Variants in TMEM267 observed in about 807,000 individuals in gnomAD.
TMEM267 encodes the protein transmembrane protein 267, also known as transmembrane protein C5orf28.
Under a neutral mutation model 19.3 loss-of-function variants are expected in TMEM267, and 20 were observed. That is an observed-to-expected ratio of 1.04 (90% CI 0.73 to 1.51). The LOEUF is 1.51. Ranked by LOEUF, TMEM267 falls within the 40% of genes most tolerant of loss-of-function variation. The pLI, the probability that TMEM267 is intolerant of heterozygous loss-of-function variation, is 0.00. For synonymous variants in TMEM267, 88 were observed against 90.3 expected (o/e 0.97, Z 0.15); for missense variants, 242 against 261.9 (o/e 0.92, Z 0.52).
upstream of TMEM267, chr5:43,484,377 C>CG (rs1744999064): frequency 1.3e-5 from 2 of 152,280 alleles, no homozygotes; most frequent in African/African-American, 4.8e-5. Flanking sequence ...ACTGAGGGAC[C>CG]GGGCGACCTG....
At position 43,446,267 on chromosome 5, in the gene TMEM267, G is replaced by A. The variant is rs757376013; in HGVS notation, c.603C>T (p.Thr201=). 5 of 1,613,658 alleles carry A rather than the reference G, an allele frequency of 3.1e-6. No individual in the cohort carries two copies. The South Asian group carries it at 3.3e-5, about 11-fold the overall frequency. Residue 201 remains threonine, a synonymous_variant, in exon 3 of 3, where the codon ACC becomes ACT. Transcript: ENST00000397080. Reference sequence around the variant, plus strand: ...CATGTTTTGAAGACATCATTTGTCTGGTTCCTGTTAAATACATAACGAATG... The same window carrying A: ...CATGTTTTGAAGACATCATTTGTCTAGTTCCTGTTAAATACATAACGAATG... ...ICSFVMYLTG[T]RQMMSSKHGV...
chr5:43,455,049 A>C (rs1354903307), intron 1 of TMEM267, among the ~76,000 whole-genome samples: 1 of 152,206 alleles, frequency 6.6e-6, no homozygotes, highest in Non-Finnish European at 1.5e-5. Flanking sequence ...ACTGCAGAGG[A>C]CCTAGAAGAA....
chr5:43,446,450 T>C lies in TMEM267; in HGVS notation c.420A>G (p.Ser140=). Residue 140 remains serine (S), a synonymous_variant, in exon 3 of 3, where the codon TCA becomes TCG. Coordinates refer to ENST00000397080, the MANE Select transcript of TMEM267 (RefSeq NM_022483.5). ...FTMHLFKLKD[S]WCFLPWMLFI... is the part of the protein sequence containing the mutation. The stretch of plus-strand genomic sequence containing the variant: ...ATAACATCCAGGGAAGAAAGCACCA[T>C]GAGTCTTTGAGCTTGAAAAGGTGCA... 6.2e-7 allele frequency: 1 copy of C among 1,613,712 alleles called. No homozygotes were observed. The highest frequency in any genetic ancestry group is 8.5e-7 in the Non-Finnish European group (1 of 1,179,646).
At chr5:43,458,066 T>C (rs925906036) in intron 1 of TMEM267, among the ~76,000 whole-genome samples, 9 of 152,182 alleles carry the variant, frequency 5.9e-5, no homozygotes, top group African/African-American at 2.2e-4. Context: ...CCTGGCTATA[T>C]GTTTCCATTT....
At chr5:43,476,995 C>A in intron 1 of TMEM267, among the ~76,000 whole-genome samples, 1 of 142,810 alleles carries the variant, frequency 7.0e-6, no homozygotes. Flanking sequence ...AGTTTGAAAC[C>A]AACCTGGGCA....
chr5:43,479,595 C>T (rs967173959), intron 1 of TMEM267, among the ~76,000 whole-genome samples: 8 of 128,662 alleles, frequency 6.2e-5, no homozygotes, highest in Admixed American at 3.0e-4. Context: ...TCTCATAAAT[C>T]AAATTTATTG....
intron 1 of TMEM267, among the ~76,000 whole-genome samples, chr5:43,476,774 G>A (rs1341955956): frequency 2.0e-5 from 3 of 151,600 alleles, no homozygotes; most frequent in Non-Finnish European, 4.4e-5. Context: ...GGGGAGAAAT[G>A]TGTACATAAT....
intron 1 of TMEM267, chr5:43,476,402 A>G (rs1344556822): frequency 6.6e-6 from 1 of 151,824 alleles, no homozygotes; most frequent in Non-Finnish European, 1.5e-5. Context: ...AGAGACTCAG[A>G]GGCAAGTCTG....
At chr5:43,468,872 C>T (rs549441329) in intron 1 of TMEM267, among the ~76,000 whole-genome samples, 1 of 152,150 alleles carries the variant, frequency 6.6e-6, no homozygotes, top group Non-Finnish European at 1.5e-5. Flanking sequence ...TATCAAGCAT[C>T]TTCCCTGACC....
chr5:43,461,006 C>CT (rs1743225341), intron 1 of TMEM267, among the ~76,000 whole-genome samples: 1 of 152,202 alleles, frequency 6.6e-6, no homozygotes, highest in Non-Finnish European at 1.5e-5. Flanking sequence ...CAAAGGTATG[C>CT]TGGCATCACC....
chr5:43,479,528 T>C (rs901660768), intron 1 of TMEM267, among the ~76,000 whole-genome samples: 2 of 151,920 alleles, frequency 1.3e-5, no homozygotes, highest in Non-Finnish European at 2.9e-5. Flanking sequence ...TATAAATATA[T>C]ATTAATATGC....
intron 1 of TMEM267, chr5:43,479,951 G>A (rs1027946241): frequency 7.3e-6 from 3 of 410,580 alleles, no homozygotes; most frequent in Non-Finnish European, 1.4e-5. Context: ...CACAAATTAT[G>A]AATCATTGTC....
chr5:43,467,803 T>G (rs538336747), intron 1 of TMEM267, among the ~76,000 whole-genome samples: 1 of 152,180 alleles, frequency 6.6e-6, no homozygotes, highest in South Asian at 2.1e-4. Flanking sequence ...CTCACAGAGA[T>G]AGATACATAT....
intron 1 of TMEM267, among the ~76,000 whole-genome samples, chr5:43,479,449 C>T (rs1744623811): frequency 6.6e-6 from 1 of 151,586 alleles, no homozygotes. Flanking sequence ...TTAAACAACT[C>T]ATACTTGATT....
intron 2 of TMEM267, among the ~76,000 whole-genome samples, chr5:43,448,815 A>G (rs1742409315): frequency 6.6e-6 from 1 of 151,526 alleles, no homozygotes; most frequent in Non-Finnish European, 1.5e-5. Flanking sequence ...TATCTCTTGA[A>G]CCCTGTTCCT....
chr5:43,466,084 GT>G (rs1255378914), intron 1 of TMEM267, among the ~76,000 whole-genome samples: 3 of 152,068 alleles, frequency 2.0e-5, no homozygotes, highest in African/African-American at 7.2e-5. Flanking sequence ...GGGGTAGAAA[GT>G]TTATTGAATG....
intron 1 of TMEM267, among the ~76,000 whole-genome samples, chr5:43,473,703 T>C (rs1448829949): frequency 2.0e-5 from 3 of 152,216 alleles, no homozygotes; most frequent in Non-Finnish European, 4.4e-5. Flanking sequence ...ATTTACAGAT[T>C]CAATGCTATC....
Position 43,453,983 on chromosome 5 carries a change from TTAG to T in TMEM267, c.-17_-15del. 6.2e-7 allele frequency: 1 copy of T among 1,609,526 alleles called. No homozygotes were observed. Among genetic ancestry groups the T allele is most frequent in the Non-Finnish European group, 8.5e-7 (1 of 1,177,008 alleles). ...CTCGGATGCCATGACAAACAATATG[TTAG>T]TATAGACTAAAAGCCATCAGGAATG... On this transcript the variant is annotated 5_prime_UTR_variant, in exon 2 of 3. It introduces an in-frame stop codon into an upstream open reading frame of the 5' UTR. Coordinates refer to ENST00000397080, the MANE Select transcript of TMEM267 (RefSeq NM_022483.5).
upstream of TMEM267, chr5:43,484,115 C>G (rs891135476): frequency 6.6e-6 from 1 of 152,246 alleles, no homozygotes; most frequent in African/African-American, 2.4e-5. Flanking sequence ...TTAGTTTTGT[C>G]AAACCTGAGG....
Sources: gnomAD v4.1 joint callset for allele counts (sites outside exome capture counted in the v4.1 genomes callset) on GRCh38, gnomAD v4.1.1 for gene constraint, MANE v1.5 for transcripts, NCBI Gene and HGNC (gene_info 2026-07-23, HGNC 2026-07-21) for gene names.